Variants in NMNAT3 observed in about 807,000 individuals in gnomAD.
The protein encoded by NMNAT3 is nicotinamide/nicotinic acid mononucleotide adenylyltransferase 3.
In NMNAT3, 21 loss-of-function variants were observed where a neutral mutation model predicts 24.8. That is an observed-to-expected ratio of 0.85 (90% confidence interval 0.60 to 1.22). NMNAT3 has a LOEUF of 1.22. Ranked by LOEUF, NMNAT3 falls within the 50% of genes most tolerant of loss-of-function variation. The pLI is 0.00. For synonymous variants in NMNAT3, 136 were observed against 155.2 expected, an observed-to-expected ratio of 0.88 and a Z score of 0.92; for missense variants, 387 against 436.6, an observed-to-expected ratio of 0.89 and a Z score of 1.01.
At chr3:139,562,100 G>A (rs1936485495) in intron 6 of NMNAT3, among the ~76,000 whole-genome samples, 1 of 151,946 alleles carries the variant, frequency 6.6e-6, no homozygotes, top group Non-Finnish European at 1.5e-5. Flanking sequence ...CTCTTTATGT[G>A]TATAATACCA....
chr3:139,647,189 T>C (rs2056899819), intron 1 of NMNAT3, among the ~76,000 whole-genome samples: 1 of 152,248 alleles, frequency 6.6e-6, no homozygotes, highest in South Asian at 2.1e-4. Flanking sequence ...CAGTTGTGCA[T>C]GCAATTCATG....
At chr3:139,584,479 A>T (rs1396484225) in intron 3 of NMNAT3, 3 of 152,346 alleles carry the variant, frequency 2.0e-5, no homozygotes, top group Non-Finnish European at 2.9e-5. Context: ...AGGCTATAAA[A>T]TTGCCCTCTA....
chr3:139,621,179 C>G (rs2108289982), intron 3 of NMNAT3, among the ~76,000 whole-genome samples: 1 of 152,314 alleles, frequency 6.6e-6, no homozygotes, highest in Middle Eastern at 3.4e-3. Context: ...TGCTTCAGGT[C>G]CTTAGCCATA....
intron 1 of NMNAT3, among the ~76,000 whole-genome samples, chr3:139,644,804 A>G (rs940980894): frequency 2.0e-5 from 3 of 152,184 alleles, no homozygotes; most frequent in Admixed American, 2.0e-4. Context: ...AATAATGTAA[A>G]TCCTATTTAA....
chr3:139,604,356 A>G (rs1394184758), intron 3 of NMNAT3, among the ~76,000 whole-genome samples: 1 of 152,252 alleles, frequency 6.6e-6, no homozygotes, highest in Non-Finnish European at 1.5e-5. Flanking sequence ...AAGTTTATGT[A>G]ACTGAGCTAT....
At chr3:139,676,350 G>T (rs2057929376) in intron 1 of NMNAT3, among the ~76,000 whole-genome samples, 1 of 152,184 alleles carries the variant, frequency 6.6e-6, no homozygotes. Flanking sequence ...AAATCCATGG[G>T]GTCTCAAGGT....
intron 3 of NMNAT3, among the ~76,000 whole-genome samples, chr3:139,619,308 G>A (rs1249231636): frequency 6.6e-6 from 1 of 152,130 alleles, no homozygotes; most frequent in East Asian, 1.9e-4. Context: ...TCTCAAAAAT[G>A]ACCAAGTACT....
intron 3 of NMNAT3, among the ~76,000 whole-genome samples, chr3:139,626,255 G>A (rs1427440853): frequency 6.6e-6 from 1 of 151,860 alleles, no homozygotes; most frequent in Non-Finnish European, 1.5e-5. Context: ...AGTATATTAA[G>A]CTGCTTCAAG....
chr3:139,618,832 C>T (rs545854017), intron 3 of NMNAT3, among the ~76,000 whole-genome samples: 1 of 152,230 alleles, frequency 6.6e-6, no homozygotes, highest in Admixed American at 6.5e-5. Flanking sequence ...TGGGTGATGC[C>T]TGGCTGTGCA....
intron 3 of NMNAT3, among the ~76,000 whole-genome samples, chr3:139,591,868 A>G (rs1047899599): frequency 2.6e-5 from 4 of 152,244 alleles, no homozygotes; most frequent in Non-Finnish European, 5.9e-5. Flanking sequence ...AAAGATGGGG[A>G]AAAAACAGAG....
At chr3:139,653,209 A>T (rs114678007) in intron 1 of NMNAT3, among the ~76,000 whole-genome samples, 7,818 of 152,258 alleles carry the variant, frequency 0.051, 281 homozygotes, top group Middle Eastern at 0.14. Context: ...ATGGCTCCTA[A>T]GAGGTCATCC....
chr3:139,612,254 C>T (rs2055259280), intron 3 of NMNAT3, among the ~76,000 whole-genome samples: 1 of 151,838 alleles, frequency 6.6e-6, no homozygotes, highest in African/African-American at 2.4e-5. Context: ...ATCAGGGAAC[C>T]GAGTCTAAAA....
At chr3:139,666,040 TA>T (rs1354100024) in intron 1 of NMNAT3, among the ~76,000 whole-genome samples, 1 of 152,192 alleles carries the variant, frequency 6.6e-6, no homozygotes, top group African/African-American at 2.4e-5. Flanking sequence ...ATTTAATAAA[TA>T]AAACAGAAAG....
At chr3:139,663,259 C>T (rs2057474140) in intron 1 of NMNAT3, among the ~76,000 whole-genome samples, 1 of 152,198 alleles carries the variant, frequency 6.6e-6, no homozygotes, top group Admixed American at 6.5e-5. Flanking sequence ...ACTCTCCTGC[C>T]TCCATCTTTC....
intron 1 of NMNAT3, among the ~76,000 whole-genome samples, chr3:139,647,055 C>A (rs955057775): frequency 6.6e-6 from 1 of 152,180 alleles, no homozygotes; most frequent in Non-Finnish European, 1.5e-5. Context: ...GTTTGATCTG[C>A]AGGAAAGAAG....
chr3:139,676,292 T>C (rs1338790876), intron 1 of NMNAT3, among the ~76,000 whole-genome samples: 1 of 152,160 alleles, frequency 6.6e-6, no homozygotes, highest in Non-Finnish European at 1.5e-5. Context: ...GCCAATAAAA[T>C]ACAGTGAGCA....
chr3:139,565,142 G>T (rs965347185), intron 6 of NMNAT3, among the ~76,000 whole-genome samples: 1 of 151,882 alleles, frequency 6.6e-6, no homozygotes, highest in African/African-American at 2.4e-5. Flanking sequence ...TATAATTTAG[G>T]TATACTTTCC....
intron 1 of NMNAT3, among the ~76,000 whole-genome samples, chr3:139,650,173 C>T (rs532849495): frequency 1.3e-5 from 2 of 152,264 alleles, no homozygotes; most frequent in African/African-American, 4.8e-5. Context: ...TGAAAGGAAC[C>T]AATCCCTCTC....
At chr3:139,576,379 T>A in intron 5 of NMNAT3, 2 of 566,934 alleles carry the variant, frequency 3.5e-6, no homozygotes, top group Non-Finnish European at 2.2e-6. Flanking sequence ...GTGTTGACTG[T>A]AACAGTGATT....
Sources: gnomAD v4.1 joint callset for allele counts (sites outside exome capture counted in the v4.1 genomes callset) on GRCh38, gnomAD v4.1.1 for gene constraint, MANE v1.5 for transcripts, NCBI Gene and HGNC (gene_info 2026-07-23, HGNC 2026-07-21) for gene names.